Variants in FAM124A observed in about 807,000 individuals in gnomAD.
The protein encoded by FAM124A is family with sequence similarity 124 member A, also known as protein FAM124A.
In FAM124A, 23 loss-of-function variants were observed where a neutral mutation model predicts 24.5. The observed-to-expected ratio is 0.94, with a 90% CI of 0.68 to 1.33. FAM124A has a LOEUF of 1.33. FAM124A is among the 40% of genes most tolerant of loss of function. FAM124A has a pLI of 0.00. For synonymous variants in FAM124A, 287 were observed against 314.7 expected (o/e 0.91, Z 0.93); for missense variants, 623 against 722.8 (o/e 0.86, Z 1.58).
rs555515620 is a variant in FAM124A at position 51,271,868 on chromosome 13, GC to G, written c.835-8580del. On this transcript the variant is annotated intron_variant, in intron 3 of 3. Transcript: ENST00000322475. ...GCAGTCTGGGCAGTAATATAACCTC[GC>G]CAAGTCCAGTGGAAGGTTTTGAGGG... Among the ~76,000 whole-genome samples, 24 of 152,284 alleles carry G rather than the reference GC, an allele frequency of 1.6e-4. 1 individual carries two copies. In the South Asian group the frequency reaches 4.8e-3, roughly 30 times the overall value.
intron 1 of FAM124A, among the ~76,000 whole-genome samples, chr13:51,229,627 C>T (rs899848445): frequency 2.6e-5 from 4 of 152,098 alleles, no homozygotes; most frequent in South Asian, 4.1e-4. Flanking sequence ...ATAGAAATAT[C>T]GCCATTCTTA....
At chr13:51,242,562 A>G (rs1052043171) in intron 2 of FAM124A, among the ~76,000 whole-genome samples, 9 of 152,220 alleles carry the variant, frequency 5.9e-5, no homozygotes, top group Non-Finnish European at 1.0e-4. Flanking sequence ...GTCAAGCTGT[A>G]TCAGGATTTA....
At chr13:51,257,834 G>A (rs903088865) in intron 3 of FAM124A, among the ~76,000 whole-genome samples, 1 of 152,112 alleles carries the variant, frequency 6.6e-6, no homozygotes, top group African/African-American at 2.4e-5. Context: ...AGTAGTTCCC[G>A]TTCCCCAATC....
At position 51,281,228 on chromosome 13, in the gene FAM124A, A is replaced by T; in HGVS notation, c.1613A>T (p.Asp538Val). The change falls in exon 4 of 4, where the codon GAT (aspartate) becomes GTT (valine). Residue 538 changes from aspartate to valine, a missense_variant. By Grantham distance (152) the Asp-to-Val change is radical (BLOSUM62 -3). Coordinates refer to ENST00000322475, the MANE Select transcript of FAM124A (RefSeq NM_001242312.2). ...PPPPGSAGPG[D>V]NDMEEFYI ...CCCCCAGGGTCGGCTGGCCCCGGGG[A>T]TAACGACATGGAGGAATTCTACATC... 1.3e-6 allele frequency: 2 copies of T among 1,589,108 alleles called. No individual in the cohort carries two copies. Among genetic ancestry groups the T allele is most frequent in the Non-Finnish European group, 1.7e-6 (2 of 1,169,668 alleles).
intron 3 of FAM124A, among the ~76,000 whole-genome samples, chr13:51,266,590 TGTCTGTAA>T (rs1378501810): frequency 1.3e-5 from 2 of 152,156 alleles, no homozygotes; most frequent in Admixed American, 1.3e-4. Context: ...ATTGTAAAAA[TGTCTGTAA>T]GTCAGAATGG....
intron 1 of FAM124A, 77 bp downstream of exon 1, chr13:51,222,646 C>T (rs1954273217): frequency 8.5e-7 from 1 of 1,176,714 alleles, no homozygotes; most frequent in Non-Finnish European, 1.1e-6. Context: ...GACGGGGACC[C>T]TCCTGATCCG....
Position 51,223,414 on chromosome 13 carries a change from C to G in FAM124A, c.68+845C>G, listed in dbSNP as rs56035793. On this transcript the variant is annotated intron_variant, in intron 1 of 3. Transcript: ENST00000322475. Reference sequence around the variant, plus strand: ...CAGCACCACATCCAGGCCGCGGGTACTGACCCAGGAGGAAAGGGTGTTTTT... The same window carrying G: ...CAGCACCACATCCAGGCCGCGGGTAGTGACCCAGGAGGAAAGGGTGTTTTT... Among the ~76,000 whole-genome samples the G allele has an allele frequency of 9.9e-3, 1,510 of 152,250 alleles. 28 individuals carry two copies. Among genetic ancestry groups the G allele is most frequent in the African/African-American group, 0.034 (1,424 of 41,548 alleles).
chr13:51,228,320 A>T (rs987019696), intron 1 of FAM124A, among the ~76,000 whole-genome samples: 2 of 152,298 alleles, frequency 1.3e-5, no homozygotes, highest in Admixed American at 1.3e-4. Context: ...CCCTATATGT[A>T]ATATTGTAAT....
rs570496783 is a variant in FAM124A, at chr13:51,280,883, C to T, written c.1268C>T (p.Ser423Leu). The change falls in exon 4 of 4, where the codon TCG becomes TTG. Residue 423 changes from serine (S) to leucine (L), a missense_variant. Transcript: ENST00000322475. The part of the protein sequence containing the change: ...DVDTGLRLSS[S>L]DLSVVSAYSA... ...GACACAGGCCTGCGGCTGTCCTCAT[C>T]GGACCTGTCTGTGGTCTCTGCATAT... 1.7e-5 allele frequency: 27 copies of T among 1,614,022 alleles called. No individual in the cohort carries two copies. Among genetic ancestry groups the T allele is most frequent in the South Asian group, 4.4e-5 (4 of 91,084 alleles).
intron 3 of FAM124A, among the ~76,000 whole-genome samples, chr13:51,260,323 G>A (rs1702258416): frequency 6.6e-6 from 1 of 152,164 alleles, no homozygotes; most frequent in Non-Finnish European, 1.5e-5. Context: ...CCAGGGGAGG[G>A]CTCAGCCAGT....
At chr13:51,279,949 C>A (rs1303114095) in intron 3 of FAM124A, among the ~76,000 whole-genome samples, 1 of 152,138 alleles carries the variant, frequency 6.6e-6, no homozygotes. Context: ...AGAATCACAC[C>A]CCATGTGGAT....
At chr13:51,256,607 G>A (rs1234966736) in intron 3 of FAM124A, among the ~76,000 whole-genome samples, 1 of 152,194 alleles carries the variant, frequency 6.6e-6, no homozygotes, top group Admixed American at 6.5e-5. Context: ...GGTTTTGTGA[G>A]GACAGAGAGA....
At chr13:51,279,991 C>T (rs751299836) in intron 3 of FAM124A, among the ~76,000 whole-genome samples, 3 of 152,216 alleles carry the variant, frequency 2.0e-5, no homozygotes, top group Non-Finnish European at 2.9e-5. Flanking sequence ...ATAGCCCATC[C>T]TGATCACTTC....
Position 51,276,975 on chromosome 13 carries a change from C to T in FAM124A, c.835-3475C>T, listed in dbSNP as rs76441203. 8.1e-3 allele frequency among the ~76,000 whole-genome samples: 1,233 copies of T among 152,178 alleles called. 11 individuals carry two copies. Among genetic ancestry groups the T allele is most frequent in the African/African-American group, 0.024 (976 of 41,484 alleles). On this transcript the variant is annotated intron_variant, in intron 3 of 3. Transcript: ENST00000322475. ...GGCTCCTGGGGGAGGGGCAGAATCA[C>T]CTTTACTAGCGATTTAAGAAGAAAA...
chr13:51,248,737 A>G (rs1250628052), intron 2 of FAM124A, among the ~76,000 whole-genome samples: 1 of 152,248 alleles, frequency 6.6e-6, no homozygotes, highest in East Asian at 1.9e-4. Context: ...AAAGCTAGGC[A>G]TATAGTCTCA....
chr13:51,229,594 A>T (rs1954352871), intron 1 of FAM124A, among the ~76,000 whole-genome samples: 1 of 152,226 alleles, frequency 6.6e-6, no homozygotes, highest in South Asian at 2.1e-4. Context: ...AGCTGAAAAT[A>T]CACATTTTAA....
At chr13:51,241,690 G>T (rs545562724) in intron 2 of FAM124A, among the ~76,000 whole-genome samples, 6 of 151,872 alleles carry the variant, frequency 4.0e-5, no homozygotes, top group African/African-American at 1.5e-4. Flanking sequence ...AGACTTGTCA[G>T]TGTTATATTA....
intron 1 of FAM124A, 144 bp from the exon 2 acceptor site, chr13:51,231,204 T>C: frequency 1.2e-6 from 1 of 851,178 alleles, no homozygotes; most frequent in Non-Finnish European, 1.9e-6. Context: ...TTATTTTGCA[T>C]AAAATGAGCC....
intron 3 of FAM124A, among the ~76,000 whole-genome samples, chr13:51,257,268 C>A (rs1368832306): frequency 6.6e-6 from 1 of 152,234 alleles, no homozygotes; most frequent in Non-Finnish European, 1.5e-5. Context: ...CCACACTGTT[C>A]TCCATAGCAG....
Sources: gnomAD v4.1 joint callset for allele counts (sites outside exome capture counted in the v4.1 genomes callset) on GRCh38, gnomAD v4.1.1 for gene constraint, MANE v1.5 for transcripts, NCBI Gene and HGNC (gene_info 2026-07-23, HGNC 2026-07-21) for gene names.